The following ANO2 variants were observed in gnomAD, a reference collection of about 807,000 sequenced individuals.
The protein encoded by ANO2 is anoctamin-2.
A neutral mutation model predicts 124.2 loss-of-function variants in ANO2; 101 were observed. The observed-to-expected ratio is 0.81, with a 90% confidence interval of 0.69 to 0.96. ANO2 has a LOEUF of 0.96. ANO2 is among the 40% of genes least tolerant of loss of function. The probability of loss-of-function intolerance (pLI) is 0.00; values close to 1 mark genes in which losing one functional copy is unlikely to be tolerated. For synonymous variants in ANO2, 486 were observed against 482.5 expected, an observed-to-expected ratio of 1.01 and a Z score of -0.09; for missense variants, 1,293 against 1,274.5, an observed-to-expected ratio of 1.01 and a Z score of -0.22.
rs11063809 is a variant in ANO2, at chr12:5,673,014, C to A, written c.1546-25213G>T. 8.7e-3 allele frequency among the ~76,000 whole-genome samples: 1,318 copies of A among 152,310 alleles called. 6 individuals carry two copies. The highest frequency in any genetic ancestry group is 0.015 in the Non-Finnish European group (1,035 of 68,018). The stretch of plus-strand genomic sequence containing the variant: ...GGAATCTTCCTCCCATCTATGTCTC[C>A]ATCTGCCCAGGTCTCACTCCTACCT... On this transcript the variant is annotated intron_variant, in intron 14 of 24. Coordinates refer to ENST00000682330, the MANE Select transcript of ANO2 (RefSeq NM_001364791.2).
intron 20 of ANO2, among the ~76,000 whole-genome samples, chr12:5,583,540 C>T (rs918068740): frequency 6.7e-6 from 1 of 149,392 alleles, no homozygotes; most frequent in African/African-American, 2.5e-5. Flanking sequence ...GTAGTCCCAG[C>T]TACTCGGGAG....
Position 5,881,024 on chromosome 12 carries a change from T to C in ANO2, c.535-26883A>G, listed in dbSNP as rs540674688. 3.3e-5 allele frequency among the ~76,000 whole-genome samples: 5 copies of C among 152,274 alleles called. No homozygotes were observed. In the East Asian group the frequency reaches 5.8e-4, roughly 18 times the overall value. On this transcript the variant is annotated intron_variant, in intron 3 of 24. Transcript: ENST00000682330. ...TCCTCATGATGGACTGGATTTATGA[T>C]GATTCTTTCCAGAACCAGAGCAATG...
At chr12:5,575,766 C>A in intron 23 of ANO2, 68 bp downstream of exon 23, 1 of 1,519,214 alleles carries the variant, frequency 6.6e-7, no homozygotes, top group Non-Finnish European at 8.9e-7. Context: ...AATTCTAGGT[C>A]GTCCCCGTAA....
chr12:5,586,975 C>T (rs1943141366), intron 20 of ANO2, among the ~76,000 whole-genome samples: 3 of 152,164 alleles, frequency 2.0e-5, no homozygotes, highest in Admixed American at 6.5e-5. Flanking sequence ...CTTTGCACTG[C>T]AAGGGGTGGT....
intron 14 of ANO2, among the ~76,000 whole-genome samples, chr12:5,709,308 C>T (rs1436393242): frequency 6.6e-6 from 1 of 152,220 alleles, no homozygotes; most frequent in Non-Finnish European, 1.5e-5. Context: ...TACTCTCCAG[C>T]CTTTCTTCCT....
At chr12:5,674,590 A>C (rs1948147608) in intron 14 of ANO2, among the ~76,000 whole-genome samples, 1 of 152,198 alleles carries the variant, frequency 6.6e-6, no homozygotes, top group African/African-American at 2.4e-5. Flanking sequence ...TCTTCTTAGA[A>C]GAAGCTCTCC....
At chr12:5,566,206 C>T (rs925018669) in intron 23 of ANO2, among the ~76,000 whole-genome samples, 36 of 152,198 alleles carry the variant, frequency 2.4e-4, no homozygotes, top group African/African-American at 8.7e-4. Flanking sequence ...GAAGGCTGAT[C>T]CAGACCAAGC....
intron 10 of ANO2, among the ~76,000 whole-genome samples, chr12:5,793,150 T>C (rs889467423): frequency 1.3e-5 from 2 of 152,212 alleles, no homozygotes; most frequent in African/African-American, 2.4e-5. Flanking sequence ...GGTATACTTG[T>C]TCTGTGCAGC....
chr12:5,730,111 T>A (rs748094072), intron 14 of ANO2, among the ~76,000 whole-genome samples: 1 of 152,078 alleles, frequency 6.6e-6, no homozygotes, highest in South Asian at 2.1e-4. Context: ...TATATGCATA[T>A]TGAATTGTGC....
At chr12:5,668,580 G>A (rs530077228) in intron 14 of ANO2, among the ~76,000 whole-genome samples, 1 of 152,268 alleles carries the variant, frequency 6.6e-6, no homozygotes, top group Non-Finnish European at 1.5e-5. Flanking sequence ...TTTCGCTTTT[G>A]TTGAAATTGC....
chr12:5,885,489 C>G (rs750863468), intron 3 of ANO2, among the ~76,000 whole-genome samples: 2 of 152,200 alleles, frequency 1.3e-5, no homozygotes, highest in Non-Finnish European at 2.9e-5. Context: ...AGGCACTGTA[C>G]TAAGGGCTTC....
In ANO2 at chr12:5,808,829, C is replaced by T. The variant is rs554922454; in HGVS notation, c.893-1461G>A. Among the ~76,000 whole-genome samples the T allele has an allele frequency of 1.1e-4, 16 of 152,332 alleles. No homozygotes were observed. In the South Asian group the frequency reaches 2.7e-3, roughly 26 times the overall value. On this transcript the variant is annotated intron_variant, in intron 7 of 24. Coordinates refer to ENST00000682330, the MANE Select transcript of ANO2 (RefSeq NM_001364791.2). The stretch of plus-strand genomic sequence containing the variant: ...TCAGAGACCCGCAGAGGATCTCAGA[C>T]AATCCTCTCCCCTCCATCAGCCTCC...
At chr12:5,690,297 CA>C (rs1948875874) in intron 14 of ANO2, among the ~76,000 whole-genome samples, 1 of 152,104 alleles carries the variant, frequency 6.6e-6, no homozygotes, top group Admixed American at 6.5e-5. Flanking sequence ...CTCTGAGCCT[CA>C]ATATTTTCTC....
intron 13 of ANO2, chr12:5,733,218 C>T (rs576976161): frequency 4.1e-4 from 163 of 400,664 alleles, no homozygotes; most frequent in African/African-American, 2.9e-3. Context: ...TGTGCAGCCT[C>T]GGTGAGTAAC....
intron 17 of ANO2, 88 bp from the exon 18 acceptor site, chr12:5,613,046 C>T (rs1944624666): frequency 7.7e-7 from 1 of 1,305,814 alleles, no homozygotes; most frequent in East Asian, 2.3e-5. Flanking sequence ...AATACCACCA[C>T]CACTGTCCTC....
At chr12:5,931,026 C>T (rs1243620329) in intron 1 of ANO2, among the ~76,000 whole-genome samples, 1 of 152,182 alleles carries the variant, frequency 6.6e-6, no homozygotes, top group Admixed American at 6.5e-5. Context: ...TAGAAGTAAG[C>T]TGGCCTTCCT....
chr12:5,672,226 G>A (rs1230097787), intron 14 of ANO2, among the ~76,000 whole-genome samples: 3 of 152,088 alleles, frequency 2.0e-5, no homozygotes, highest in African/African-American at 7.2e-5. Flanking sequence ...CCAAAGCCAT[G>A]CTCCCTACCC....
intron 10 of ANO2, among the ~76,000 whole-genome samples, chr12:5,757,622 A>T (rs912185049): frequency 6.6e-6 from 1 of 152,242 alleles, no homozygotes; most frequent in Non-Finnish European, 1.5e-5. Flanking sequence ...TATGATGCAG[A>T]CAATTGCAAG....
intron 7 of ANO2, among the ~76,000 whole-genome samples, chr12:5,818,461 A>G (rs1285594826): frequency 3.3e-5 from 1 of 30,374 alleles, no homozygotes; most frequent in African/African-American, 1.3e-4. Context: ...ATATATATAT[A>G]TATATATATA....
Sources: gnomAD v4.1 joint callset for allele counts (sites outside exome capture counted in the v4.1 genomes callset) on GRCh38, gnomAD v4.1.1 for gene constraint, MANE v1.5 for transcripts, NCBI Gene and HGNC (gene_info 2026-07-23, HGNC 2026-07-21) for gene names.